Variants in MEI4 observed in about 807,000 individuals in gnomAD.
MEI4 encodes the protein meiotic double-stranded break formation protein 4.
MEI4 carries 27 observed loss-of-function variants against 31.4 expected under a neutral mutation model. The observed-to-expected ratio is 0.86, with a 90% confidence interval of 0.63 to 1.19. The LOEUF (loss-of-function observed/expected upper bound fraction) is 1.19, where lower values mean the gene tolerates loss of function less well. Among genes scored for constraint, MEI4 ranks in the 50% most tolerant of loss-of-function variants. The pLI is 0.00. For synonymous variants in MEI4, 122 were observed against 145.4 expected, an observed-to-expected ratio of 0.84 and a Z score of 1.16; for missense variants, 329 against 398.9, an observed-to-expected ratio of 0.82 and a Z score of 1.49.
chr6:77,845,206 G>A (rs1770452884), intron 4 of MEI4, among the ~76,000 whole-genome samples: 1 of 152,094 alleles, frequency 6.6e-6, no homozygotes, highest in African/African-American at 2.4e-5. Context: ...CAAGATGCTG[G>A]GCAGGAGGAA....
rs80096703 is a variant in MEI4 at position 77,897,035 on chromosome 6, C to A, written c.901-26054C>A. ...ATTTATAATCTTATTCTCCCAGCAT[C>A]CCAATAGAGGAGTTATTGTTATTAT... On this transcript the variant is annotated intron_variant, in intron 4 of 4. Coordinates refer to ENST00000684080, the MANE Select transcript of MEI4 (RefSeq NM_001322247.2). Among the ~76,000 whole-genome samples the A allele has an allele frequency of 4.4e-4, 67 of 152,094 alleles. 1 individual carries two copies. The East Asian group carries it at 0.012, about 27-fold the overall frequency.
At chr6:77,686,510 CTGT>C (rs374027797) in intron 1 of MEI4, among the ~76,000 whole-genome samples, 45 of 151,734 alleles carry the variant, frequency 3.0e-4, no homozygotes, top group African/African-American at 1.1e-3. Context: ...ACTGCATTTA[CTGT>C]TTTATGTTTT....
intron 2 of MEI4, among the ~76,000 whole-genome samples, chr6:77,738,390 T>A (rs988254242): frequency 1.3e-5 from 2 of 152,236 alleles, no homozygotes; most frequent in African/African-American, 4.8e-5. Flanking sequence ...TAGAATGGGA[T>A]AAATTAACTG....
chr6:77,886,739 G>A (rs1295306950), intron 4 of MEI4, among the ~76,000 whole-genome samples: 1 of 152,020 alleles, frequency 6.6e-6, no homozygotes, highest in Non-Finnish European at 1.5e-5. Context: ...GGCCCTGTTA[G>A]AGTATAATTG....
chr6:77,871,355 AT>A (rs2127725448), intron 4 of MEI4, among the ~76,000 whole-genome samples: 1 of 152,374 alleles, frequency 6.6e-6, no homozygotes, highest in Non-Finnish European at 1.5e-5. Context: ...CATGCTTTAA[AT>A]TTATTTTAAA....
At chr6:77,670,837 T>C (rs1768724796) in intron 1 of MEI4, among the ~76,000 whole-genome samples, 1 of 152,150 alleles carries the variant, frequency 6.6e-6, no homozygotes. Flanking sequence ...ATTTTACTTA[T>C]TTTGTGGCCC....
chr6:77,908,925 G>C (rs1384546910), intron 4 of MEI4, among the ~76,000 whole-genome samples: 2 of 152,134 alleles, frequency 1.3e-5, no homozygotes, highest in East Asian at 1.9e-4. Context: ...ACACCCCACT[G>C]TCAACATTAG....
chr6:77,672,485 C>T (rs1582009320), intron 1 of MEI4, among the ~76,000 whole-genome samples: 1 of 152,290 alleles, frequency 6.6e-6, no homozygotes, highest in South Asian at 2.1e-4. Flanking sequence ...TGCAAATATA[C>T]TTTGTATGGT....
intron 4 of MEI4, among the ~76,000 whole-genome samples, chr6:77,873,391 A>G (rs2127726069): frequency 6.6e-6 from 1 of 152,284 alleles, no homozygotes; most frequent in Non-Finnish European, 1.5e-5. Flanking sequence ...TTTTGGCTGC[A>G]TAAATGTCTT....
chr6:77,848,559 A>G (rs1250292461), intron 4 of MEI4, among the ~76,000 whole-genome samples: 1 of 152,182 alleles, frequency 6.6e-6, no homozygotes, highest in East Asian at 1.9e-4. Flanking sequence ...ATGCATCATT[A>G]GAGTCCCTGT....
chr6:77,744,423 A>G (rs1471169879), intron 2 of MEI4, among the ~76,000 whole-genome samples: 6 of 152,214 alleles, frequency 3.9e-5, no homozygotes, highest in Non-Finnish European at 1.5e-5. Context: ...TAGAGAAAAA[A>G]GAATAAAAAG....
At chr6:77,764,300 A>C (rs1440452393) in intron 3 of MEI4, among the ~76,000 whole-genome samples, 16 of 152,256 alleles carry the variant, frequency 1.1e-4, no homozygotes. Context: ...TTTATGTCTA[A>C]ACCATCCATT....
chr6:77,916,090 C>T lies in MEI4; in HGVS notation c.901-6999C>T, dbSNP rs184085426. ...TTTGTGTTTTATTCAATGAATTATT[C>T]GGTTCTAAAATTTAAGTTCTTTTTA... On this transcript the variant is annotated intron_variant, in intron 4 of 4. Transcript: ENST00000684080. 3.9e-4 allele frequency among the ~76,000 whole-genome samples: 60 copies of T among 151,972 alleles called. 2 individuals are homozygous for T. Among genetic ancestry groups the T allele is most frequent in the Middle Eastern group, 6.8e-3 (2 of 292 alleles).
At chr6:77,917,649 T>G (rs1292727412) in intron 4 of MEI4, among the ~76,000 whole-genome samples, 1 of 83,094 alleles carries the variant, frequency 1.2e-5, no homozygotes, top group Non-Finnish European at 2.2e-5. Context: ...TTGAGTTCAT[T>G]GTAGATTCTG....
intron 2 of MEI4, among the ~76,000 whole-genome samples, chr6:77,745,758 A>G (rs1283898372): frequency 1.3e-5 from 2 of 152,192 alleles, no homozygotes; most frequent in African/African-American, 4.8e-5. Flanking sequence ...AACAGAAATT[A>G]TAACAAACTC....
At chr6:77,843,074 C>G (rs2127715485) in intron 4 of MEI4, among the ~76,000 whole-genome samples, 1 of 125,828 alleles carries the variant, frequency 7.9e-6, no homozygotes, top group Middle Eastern at 3.9e-3. Flanking sequence ...TTTTATGAGG[C>G]CAGGATTACT....
At chr6:77,733,968 T>C (rs1360720266) in intron 2 of MEI4, among the ~76,000 whole-genome samples, 3 of 152,128 alleles carry the variant, frequency 2.0e-5, no homozygotes, top group African/African-American at 7.3e-5. Flanking sequence ...TGAGTTCTAG[T>C]TTGATTGCAC....
At chr6:77,730,730 A>G (rs1008305727) in intron 2 of MEI4, among the ~76,000 whole-genome samples, 6 of 150,794 alleles carry the variant, frequency 4.0e-5, no homozygotes, top group Non-Finnish European at 7.4e-5. Context: ...GCACCCACTA[A>G]CTCGTCATCT....
At chr6:77,778,792 T>G (rs1768524370) in intron 3 of MEI4, among the ~76,000 whole-genome samples, 1 of 152,008 alleles carries the variant, frequency 6.6e-6, no homozygotes, top group African/African-American at 2.4e-5. Flanking sequence ...GGATTTGACA[T>G]GGAGAAATAG....
Sources: gnomAD v4.1 joint callset for allele counts (sites outside exome capture counted in the v4.1 genomes callset) on GRCh38, gnomAD v4.1.1 for gene constraint, MANE v1.5 for transcripts, NCBI Gene and HGNC (gene_info 2026-07-23, HGNC 2026-07-21) for gene names.